PLEKHG7: variants seen among roughly 807,000 people sequenced by gnomAD.
PLEKHG7 encodes pleckstrin homology domain-containing family G member 7.
Under a neutral mutation model 85.2 loss-of-function variants are expected in PLEKHG7, and 77 were observed. That is an observed-to-expected ratio of 0.90 (90% confidence interval 0.75 to 1.09). PLEKHG7 has a LOEUF of 1.09. PLEKHG7 is among the 50% of genes least tolerant of loss of function. PLEKHG7 has a pLI of 0.00. For synonymous variants in PLEKHG7, 301 were observed against 302.4 expected (o/e 1.00, Z 0.05); for missense variants, 777 against 804.3 (o/e 0.97, Z 0.41).
Position 92,741,512 on chromosome 12 carries a change from A to T in PLEKHG7, c.1057A>T (p.Ser353Cys). The change falls in exon 9 of 17, where the codon AGT becomes TGT. Residue 353 changes from serine (S) to cysteine (C), a missense_variant. Physicochemically the swap from Ser to Cys is moderately radical, Grantham distance 112 (BLOSUM62 -1). This residue lies in a region of PLEKHG7 where 520 missense variants were observed against 544.0 expected (regional missense o/e 0.96). Transcript: ENST00000344636. The stretch of plus-strand genomic sequence containing the variant: ...CTAGACAAGCCTTGGTTTTGTGAAC[A>T]GTCTCTTTGGCATCATCAAGGACTA... ...LTQTSLGFVN[S>C]LFGIIKDYVD... The T allele has an allele frequency of 6.2e-7, 1 of 1,610,544 alleles. No homozygotes were observed. The highest frequency in any genetic ancestry group is 8.5e-7 in the Non-Finnish European group (1 of 1,178,724).
At chr12:92,761,678 GAAAGAA>G in intron 13 of PLEKHG7, 68 bp from the exon 14 acceptor site, 1 of 1,270,516 alleles carries the variant, frequency 7.9e-7, no homozygotes, top group Admixed American at 4.2e-5. Context: ...AAGAAAGAAA[GAAAGAA>G]AGGGAAAGAA....
At chr12:92,759,646 T>G (rs1382388086) in intron 13 of PLEKHG7, among the ~76,000 whole-genome samples, 1 of 152,252 alleles carries the variant, frequency 6.6e-6, no homozygotes, top group Admixed American at 6.5e-5. Flanking sequence ...TCTCTCTGTT[T>G]GCCATGTAAG....
At chr12:92,724,234 T>G (rs2136585696) in intron 3 of PLEKHG7, among the ~76,000 whole-genome samples, 1 of 152,334 alleles carries the variant, frequency 6.6e-6, no homozygotes, top group Non-Finnish European at 1.5e-5. Context: ...TCAATCCCAG[T>G]GTCCTGTATG....
chr12:92,741,419 G>C (rs1025477025), intron 8 of PLEKHG7, 72 bp from the exon 9 acceptor site: 2 of 934,684 alleles, frequency 2.1e-6, no homozygotes, highest in African/African-American at 3.3e-5. Context: ...AATGATACTT[G>C]AAGTTCAACA....
Position 92,707,052 on chromosome 12 carries a change from A to G in PLEKHG7, c.421A>G (p.Asn141Asp). 2 of 1,613,870 alleles carry G rather than the reference A, an allele frequency of 1.2e-6. No individual in the cohort carries two copies. The stretch of plus-strand genomic sequence containing the variant: ...TCTCCCTCCTGAGCTTCAGCCTGTC[A>G]ATGAAGGGTCCCTTCACCAGGCCTC... The part of the protein sequence containing the change: ...KYLPPELQPV[N>D]EGSLHQASLR... Residue 141 changes from asparagine (N) to aspartate (D), a missense_variant, in exon 2 of 17, where the codon AAT becomes GAT. Physicochemically the swap from Asn to Asp is conservative, Grantham distance 23. This residue lies in a region of PLEKHG7 where 252 missense variants were observed against 241.9 expected (regional missense o/e 1.04). Transcript: ENST00000344636.
In PLEKHG7 at chr12:92,705,247, A is replaced by G. The variant is rs1043373833; in HGVS notation, c.-161-1224A>G. Among the ~76,000 whole-genome samples, 5 of 152,364 alleles carry G rather than the reference A, an allele frequency of 3.3e-5. No homozygotes were observed. The South Asian group carries it at 1.0e-3, about 32-fold the overall frequency. On this transcript the variant is annotated intron_variant, in intron 1 of 16. Transcript: ENST00000344636. ...TGTATTCTCCACAGAACTATAGTAA[A>G]CATAGTAGTAATCACTGTATTTTGG...
intron 13 of PLEKHG7, 69 bp from the exon 14 acceptor site, chr12:92,761,683 A>G (rs1034250366): frequency 7.2e-7 from 1 of 1,392,824 alleles, no homozygotes; most frequent in Non-Finnish European, 9.3e-7. Context: ...AGAAAGAAAG[A>G]AAGGGAAAGA....
intron 7 of PLEKHG7, among the ~76,000 whole-genome samples, chr12:92,738,112 T>C (rs576156435): frequency 6.6e-6 from 1 of 152,344 alleles, no homozygotes; most frequent in East Asian, 1.9e-4. Context: ...AGGGCCACCA[T>C]TGCAGATATA....
At chr12:92,712,637 A>ATT (rs139720151) in intron 3 of PLEKHG7, among the ~76,000 whole-genome samples, 5 of 151,490 alleles carry the variant, frequency 3.3e-5, no homozygotes, top group African/African-American at 1.2e-4. Flanking sequence ...CAGGGATGCG[A>ATT]TTTTTTTTTA....
At chr12:92,712,085 T>C (rs1277699661) in intron 3 of PLEKHG7, among the ~76,000 whole-genome samples, 1 of 152,224 alleles carries the variant, frequency 6.6e-6, no homozygotes, top group East Asian at 1.9e-4. Flanking sequence ...TGAATTTTAA[T>C]CAAATTTATG....
intron 7 of PLEKHG7, among the ~76,000 whole-genome samples, chr12:92,740,610 G>T (rs1411331874): frequency 6.6e-6 from 1 of 152,110 alleles, no homozygotes; most frequent in Non-Finnish European, 1.5e-5. Flanking sequence ...TGTTCAATAG[G>T]AATGTTGTTA....
Position 92,707,040 on chromosome 12 carries a change from C to G in PLEKHG7, c.409C>G (p.Leu137Val). Reference sequence around the variant, plus strand: ...CACTGACAAGTATCTCCCTCCTGAGCTTCAGCCTGTCAATGAAGGGTCCCT... The same window carrying G: ...CACTGACAAGTATCTCCCTCCTGAGGTTCAGCCTGTCAATGAAGGGTCCCT... ...RPTDKYLPPE[L>V]QPVNEGSLHQ... is the part of the protein sequence containing the mutation. Residue 137 changes from leucine to valine, a missense_variant, in exon 2 of 17, where the codon CTT (leucine) becomes GTT (valine). Transcript: ENST00000344636. 6.2e-7 allele frequency: 1 copy of G among 1,614,108 alleles called. No individual in the cohort carries two copies. Among genetic ancestry groups the G allele is most frequent in the East Asian group, 2.2e-5 (1 of 44,862 alleles).
chr12:92,740,573 G>T (rs1242809032), intron 7 of PLEKHG7, among the ~76,000 whole-genome samples: 4 of 152,200 alleles, frequency 2.6e-5, no homozygotes, highest in Non-Finnish European at 5.9e-5. Context: ...GGCACTAGAA[G>T]TAGAGGAAGC....
At chr12:92,712,761 T>C (rs1311328045) in intron 3 of PLEKHG7, among the ~76,000 whole-genome samples, 2 of 152,172 alleles carry the variant, frequency 1.3e-5, no homozygotes, top group African/African-American at 4.8e-5. Context: ...TGCCAGCTGC[T>C]AAGTATGTCT....
chr12:92,721,945 CACACA>C (rs1871661099), intron 3 of PLEKHG7, among the ~76,000 whole-genome samples: 2 of 151,960 alleles, frequency 1.3e-5, no homozygotes, highest in South Asian at 4.2e-4. Flanking sequence ...ACCCCTACCC[CACACA>C]GACACCACTT....
chr12:92,745,753 C>T (rs1488322448), intron 10 of PLEKHG7, among the ~76,000 whole-genome samples, 162 bp downstream of exon 10: 1 of 152,216 alleles, frequency 6.6e-6, no homozygotes, highest in African/African-American at 2.4e-5. Flanking sequence ...ACATTGTCCA[C>T]TGCACACTTA....
intron 1 of PLEKHG7, among the ~76,000 whole-genome samples, chr12:92,704,381 A>G (rs962990185): frequency 1.3e-5 from 2 of 152,198 alleles, no homozygotes; most frequent in Admixed American, 6.5e-5. Flanking sequence ...TATTTTATCA[A>G]TGGTAGGGAG....
Position 92,771,525 on chromosome 12 carries a change from T to C in PLEKHG7, c.*1330T>C, listed in dbSNP as rs1189251560. On this transcript the variant is annotated 3_prime_UTR_variant, in exon 17 of 17. Transcript: ENST00000344636. ...TCTGGAGGACAGTAACTATTGTTAA[T>C]AGCTAAGAATAAATGAGGTGGAGGG... The C allele has an allele frequency of 1.3e-5, 2 of 151,954 alleles. No homozygotes were observed. Among genetic ancestry groups the C allele is most frequent in the Non-Finnish European group, 2.9e-5 (2 of 67,924 alleles). 9.4% of individuals were successfully genotyped at this position (151,954 alleles called of 1,614,324 possible).
chr12:92,706,662 G>A lies in PLEKHG7; in HGVS notation c.31G>A (p.Val11Met), dbSNP rs750959928. MEKTESFCPE[V>M]PPQDCGASPR... ...GAAAACAGAGTCATTCTGTCCAGAG[G>A]TGCCACCCCAAGACTGTGGAGCCTC... The change falls in exon 2 of 17, where the codon GTG (valine) becomes ATG (methionine). Residue 11 changes from valine to methionine, a missense_variant. This residue lies in a region of PLEKHG7 where 252 missense variants were observed against 241.9 expected (regional missense o/e 1.04). Transcript: ENST00000344636. 4 of 1,613,850 alleles carry A rather than the reference G, an allele frequency of 2.5e-6. No individual in the cohort carries two copies. Among genetic ancestry groups the A allele is most frequent in the Non-Finnish European group, 3.4e-6 (4 of 1,179,902 alleles).
Sources: allele counts gnomAD v4.1 joint callset (sites outside exome capture counted in the v4.1 genomes callset), GRCh38; gene constraint gnomAD v4.1.1; regional missense constraint gnomAD v4.1.1; transcripts MANE v1.5; gene names NCBI Gene and HGNC (gene_info 2026-07-23, HGNC 2026-07-21).